The following PTPRT variants were observed in gnomAD, a reference collection of about 807,000 sequenced individuals.
PTPRT encodes protein tyrosine phosphatase receptor type T.
Under a neutral mutation model 176.8 loss-of-function variants are expected in PTPRT, and 56 were observed. The ratio of observed to expected loss-of-function variants is 0.32; its 90% CI spans 0.26 to 0.40. The LOEUF (loss-of-function observed/expected upper bound fraction) is 0.40. Ranked by LOEUF, PTPRT falls within the 10% of genes least tolerant of loss-of-function variation. The pLI, the probability that PTPRT is intolerant of heterozygous loss-of-function variation, is 1.00. For synonymous variants in PTPRT, 783 were observed against 739.0 expected (o/e 1.06, Z -0.96); for missense variants, 1,540 against 1,908.2 (o/e 0.81, Z 3.60).
intron 7 of PTPRT, among the ~76,000 whole-genome samples, chr20:42,641,813 C>A (rs1160201295): frequency 6.6e-6 from 1 of 152,124 alleles, no homozygotes; most frequent in African/African-American, 2.4e-5. Flanking sequence ...CATGCCCAGG[C>A]AAGACCTGGT....
chr20:43,164,310 A>G (rs1046859331), intron 1 of PTPRT, among the ~76,000 whole-genome samples: 6 of 152,226 alleles, frequency 3.9e-5, no homozygotes, highest in African/African-American at 1.4e-4. Context: ...AGTACATGCC[A>G]GGTGCTTTCT....
At chr20:42,035,073 C>A in the PTPRT span, among the ~76,000 whole-genome samples, 12 of 152,066 alleles carry the variant, frequency 7.9e-5, no homozygotes, top group African/African-American at 2.9e-4. Context: ...TTACATTAAG[C>A]ACCCAGTTCA....
rs1470354324 is a variant in PTPRT at position 43,189,659 on chromosome 20, A to G, written c.75T>C (p.Ala25=). The G allele has an allele frequency of 7.6e-7, 1 of 1,312,522 alleles. No homozygotes were observed. The highest frequency in any genetic ancestry group is 9.7e-7 in the Non-Finnish European group (1 of 1,032,426). 81.3% of individuals were successfully genotyped at this position (1,312,522 alleles called of 1,614,324 possible). ...GGGCGCACTCACCTGCGGCGCTCTG[A>G]GCCCGGGCGCCGGGCAGTGGCGGCA... is the stretch of plus-strand genomic sequence containing the variant. ...LQLPPLPGAR[A]QSAAGGCSFD... The change falls in exon 1 of 31, where the codon GCT becomes GCC. Residue 25 remains alanine (A), a synonymous_variant. Coordinates refer to ENST00000373187, the MANE Select transcript of PTPRT (RefSeq NM_007050.6). This position sits in a 1 kb window ranked among gnomAD's most constrained non-coding sequence, Gnocchi z 5.0.
chr20:42,200,163 C>T (rs982455196), intron 15 of PTPRT, among the ~76,000 whole-genome samples: 8 of 152,012 alleles, frequency 5.3e-5, no homozygotes, highest in African/African-American at 1.7e-4. Flanking sequence ...TGACACCAGC[C>T]ACTGGAGGTT....
intron 9 of PTPRT, among the ~76,000 whole-genome samples, chr20:42,411,438 A>G (rs2059015464): frequency 6.7e-6 from 1 of 149,296 alleles, no homozygotes; most frequent in Non-Finnish European, 1.5e-5. Context: ...AATCACTTGA[A>G]CCAGGGAGGC....
intron 1 of PTPRT, among the ~76,000 whole-genome samples, chr20:43,061,197 A>AAATT (rs1486697888): frequency 6.6e-6 from 1 of 152,146 alleles, no homozygotes; most frequent in Non-Finnish European, 1.5e-5. Context: ...TCCAGAATCA[A>AAATT]AATTAATTCC....
chr20:42,323,503 C>T (rs1265279194), intron 11 of PTPRT, among the ~76,000 whole-genome samples: 6 of 151,900 alleles, frequency 3.9e-5, no homozygotes, highest in South Asian at 4.2e-4. Flanking sequence ...AGCAAACTAT[C>T]GCAAGGACAA....
chr20:43,125,313 G>C (rs2013400885), intron 1 of PTPRT, among the ~76,000 whole-genome samples: 1 of 151,946 alleles, frequency 6.6e-6, no homozygotes. Flanking sequence ...TTTGGGATTT[G>C]AACTCTGACC....
chr20:42,240,174 G>A lies in PTPRT; in HGVS notation c.2313-3916C>T, dbSNP rs143497297. Among the ~76,000 whole-genome samples the A allele has an allele frequency of 5.2e-3, 795 of 152,248 alleles. 9 individuals are homozygous for A. Among genetic ancestry groups the A allele is most frequent in the African/African-American group, 0.018 (759 of 41,532 alleles). Reference sequence around the variant, plus strand: ...CCTGGGTGTCACCAAAAGCCTTCTCGTGCTATCTCTGACCCAGCAGCAAGG... The same window carrying A: ...CCTGGGTGTCACCAAAAGCCTTCTCATGCTATCTCTGACCCAGCAGCAAGG... On this transcript the variant is annotated intron_variant, in intron 14 of 30. Transcript: ENST00000373187.
chr20:42,263,169 A>G (rs1245196541), intron 13 of PTPRT, among the ~76,000 whole-genome samples: 3 of 152,130 alleles, frequency 2.0e-5, no homozygotes, highest in Non-Finnish European at 4.4e-5. Flanking sequence ...CCAAAGCACA[A>G]GGGGAGCCCT....
At chr20:42,168,188 A>G (rs1204513936) in intron 16 of PTPRT, among the ~76,000 whole-genome samples, 1 of 151,984 alleles carries the variant, frequency 6.6e-6, no homozygotes, top group Non-Finnish European at 1.5e-5. Flanking sequence ...AGGAGGAGGA[A>G]GAAGAAAGGT....
At chr20:42,490,975 A>C (rs1031869250) in intron 7 of PTPRT, among the ~76,000 whole-genome samples, 1 of 152,196 alleles carries the variant, frequency 6.6e-6, no homozygotes, top group African/African-American at 2.4e-5. Flanking sequence ...GGTAATTATA[A>C]GTAAATCTGC....
the PTPRT span, among the ~76,000 whole-genome samples, chr20:42,033,159 T>G: frequency 3.3e-5 from 5 of 152,136 alleles, no homozygotes; most frequent in African/African-American, 1.2e-4. Context: ...ATTTTCCATA[T>G]GGAATCACTC....
chr20:42,207,660 G>C (rs929185835), intron 15 of PTPRT, among the ~76,000 whole-genome samples: 1 of 43,570 alleles, frequency 2.3e-5, no homozygotes, highest in Non-Finnish European at 4.3e-5. Context: ...CCAAATCTAC[G>C]TCTGATTGGT....
intron 25 of PTPRT, among the ~76,000 whole-genome samples, chr20:42,103,120 C>T (rs1382095402): frequency 6.6e-6 from 1 of 152,232 alleles, no homozygotes; most frequent in Non-Finnish European, 1.5e-5. Flanking sequence ...ACCTGGTTCT[C>T]AGCTCCTGTT....
At chr20:42,056,399 G>C in the PTPRT span, among the ~76,000 whole-genome samples, 5 of 152,164 alleles carry the variant, frequency 3.3e-5, no homozygotes, top group Admixed American at 1.3e-4. Context: ...CATTGTGGAG[G>C]CATGAAAAAT....
the PTPRT span, among the ~76,000 whole-genome samples, chr20:42,060,606 G>C: frequency 6.6e-6 from 1 of 152,184 alleles, no homozygotes; most frequent in Admixed American, 6.5e-5. Flanking sequence ...CCCTGCACAA[G>C]TTTTCTCTCT....
chr20:42,976,606 C>T (rs2146077479), intron 1 of PTPRT, among the ~76,000 whole-genome samples: 1 of 152,110 alleles, frequency 6.6e-6, no homozygotes, highest in East Asian at 1.9e-4. Flanking sequence ...AGGATTTCCC[C>T]ATGTTGGCCA....
At chr20:42,143,389 T>C (rs1159433658) in intron 17 of PTPRT, among the ~76,000 whole-genome samples, 1 of 152,050 alleles carries the variant, frequency 6.6e-6, no homozygotes, top group African/African-American at 2.4e-5. Flanking sequence ...ACCCAGCCTC[T>C]ACTAAAAGTA....
Sources: gnomAD v4.1 joint callset for allele counts (sites outside exome capture counted in the v4.1 genomes callset) on GRCh38, gnomAD v4.1.1 for gene constraint, Gnocchi (gnomAD v3.1) non-coding constraint, MANE v1.5 for transcripts, NCBI Gene and HGNC (gene_info 2026-07-23, HGNC 2026-07-21) for gene names.